Variants in FRY observed in about 807,000 individuals in gnomAD.
FRY encodes FRY microtubule binding protein.
In FRY, 128 loss-of-function variants were observed where a neutral mutation model predicts 348.4. The ratio of observed to expected loss-of-function variants is 0.37; its 90% CI spans 0.32 to 0.43. FRY has a LOEUF of 0.43. Ranked by LOEUF, FRY falls within the 20% of genes least tolerant of loss-of-function variation. The pLI, the probability that FRY is intolerant of heterozygous loss-of-function variation, is 1.00. For synonymous variants in FRY, 1,370 were observed against 1,374.7 expected, an observed-to-expected ratio of 1.00 and a Z score of 0.08; for missense variants, 2,736 against 3,695.2, an observed-to-expected ratio of 0.74 and a Z score of 6.73.
Position 32,175,443 on chromosome 13 carries a change from A to G in FRY, c.2335-103A>G, listed in dbSNP as rs9590807. ...ACTTTTCTGTGAGAAAACCCTTATC[A>G]CTATCTCACAAGCTGTTCTGCTTCA... On this transcript the variant is annotated intron_variant, in intron 19 of 60. Transcript: ENST00000542859. The G allele has an allele frequency of 2.4e-3, 1,887 of 785,766 alleles. 22 individuals are homozygous for G. In the African/African-American group the frequency reaches 0.027, roughly 11 times the overall value. The allele number at this position is 785,766 out of a possible 1,614,324, so 48.7% of individuals were successfully genotyped here.
In FRY at chr13:32,239,517, G is replaced by C. The variant is rs1457591077; in HGVS notation, c.6516+168G>C. ...AGGGGTGGCTGATGCAAATTGTCTT[G>C]CTTGCTTTCATTCTTGAGAATGCAG... On this transcript the variant is annotated intron_variant, in intron 45 of 60. Transcript: ENST00000542859. The surrounding 1 kb of genome is among the most constrained non-coding windows in gnomAD (Gnocchi z 4.3). Among the ~76,000 whole-genome samples the C allele has an allele frequency of 1.3e-5, 2 of 152,202 alleles. No homozygotes were observed. The highest frequency in any genetic ancestry group is 4.8e-5 in the African/African-American group (2 of 41,446).
At chr13:32,113,189 G>A (rs1044815922) in intron 3 of FRY, among the ~76,000 whole-genome samples, 23 of 152,312 alleles carry the variant, frequency 1.5e-4, no homozygotes, top group African/African-American at 5.3e-4. Flanking sequence ...ATTACACAGT[G>A]AGTATCGTGG....
intron 41 of FRY, among the ~76,000 whole-genome samples, chr13:32,232,825 T>C (rs1247413237): frequency 6.6e-6 from 1 of 152,202 alleles, no homozygotes; most frequent in Admixed American, 6.5e-5. Context: ...TTTCCTTTTC[T>C]CAAAGGACAC....
At chr13:32,210,713 G>A (rs1884635559) in intron 33 of FRY, among the ~76,000 whole-genome samples, 153 bp from the exon 34 acceptor site, 1 of 152,170 alleles carries the variant, frequency 6.6e-6, no homozygotes, top group Admixed American at 6.5e-5. Flanking sequence ...TTTAATCCAA[G>A]TCCTTGGTCC....
At chr13:32,209,804 GTGCTCTTTGCTCCA>G in intron 33 of FRY, 73 bp downstream of exon 33, 1 of 1,426,724 alleles carries the variant, frequency 7.0e-7, no homozygotes, top group Non-Finnish European at 9.9e-7. Context: ...AAGTCAGAAT[GTGCTCTTTGCTCCA>G]GCTAAAATAG....
At position 32,249,622 on chromosome 13, in the gene FRY, A is replaced by G. The variant is rs1886975455; in HGVS notation, c.7105A>G (p.Thr2369Ala). 1.2e-6 allele frequency: 2 copies of G among 1,614,184 alleles called. No individual in the cohort carries two copies. The highest frequency in any genetic ancestry group is 1.3e-5 in the African/African-American group (1 of 75,050). ...AMAVTRSTSS[T>A]SSGSNSNVLV... is the part of the protein sequence containing the mutation. ...GGCCGTCACCCGGAGCACATCTTCC[A>G]CTTCCTCAGGCTCCAACTCCAACGT... Residue 2369 changes from threonine to alanine, a missense_variant, in exon 49 of 61, where the codon ACT becomes GCT. Physicochemically the swap from Thr to Ala is moderately conservative, Grantham distance 58 (BLOSUM62 0). Transcript: ENST00000542859.
intron 54 of FRY, among the ~76,000 whole-genome samples, chr13:32,265,852 C>G (rs187968921): frequency 9.2e-5 from 14 of 152,194 alleles, no homozygotes; most frequent in Non-Finnish European, 1.9e-4. Flanking sequence ...CAGAAAGCAA[C>G]GTAAAAAGCA....
intron 11 of FRY, among the ~76,000 whole-genome samples, chr13:32,145,502 C>T (rs1304751973): frequency 1.3e-5 from 2 of 150,730 alleles, no homozygotes; most frequent in Non-Finnish European, 2.9e-5. Context: ...TGATGAAACC[C>T]ACACTCCCCT....
At chr13:32,117,063 C>T (rs1039147041) in intron 3 of FRY, among the ~76,000 whole-genome samples, 1 of 152,134 alleles carries the variant, frequency 6.6e-6, no homozygotes, top group East Asian at 1.9e-4. Context: ...CCATGAATAA[C>T]CTGTATGCAA....
intron 49 of FRY, among the ~76,000 whole-genome samples, chr13:32,251,000 T>C (rs1202478212): frequency 6.6e-6 from 1 of 152,232 alleles, no homozygotes; most frequent in African/African-American, 2.4e-5. Context: ...ATATTGAGTG[T>C]CTGTCCCCTC....
chr13:32,263,449 A>C (rs1280126759), intron 53 of FRY, among the ~76,000 whole-genome samples: 1 of 152,200 alleles, frequency 6.6e-6, no homozygotes, highest in Non-Finnish European at 1.5e-5. Flanking sequence ...TTAAATAGTA[A>C]TTATTTCTAA....
intron 40 of FRY, among the ~76,000 whole-genome samples, 186 bp from the exon 41 acceptor site, chr13:32,230,993 T>C (rs1267971853): frequency 1.3e-5 from 2 of 152,214 alleles, no homozygotes; most frequent in African/African-American, 4.8e-5. Context: ...TTGCCCACTT[T>C]TTAATGGGTT....
chr13:32,053,521 G>A (rs114892150), intron 1 of FRY, among the ~76,000 whole-genome samples: 323 of 152,258 alleles, frequency 2.1e-3, no homozygotes, highest in African/African-American at 7.2e-3. Flanking sequence ...GAACTGTCTC[G>A]GTCCCAGACT....
intron 3 of FRY, among the ~76,000 whole-genome samples, chr13:32,110,832 G>C (rs1397740073): frequency 2.0e-5 from 3 of 152,212 alleles, no homozygotes; most frequent in Non-Finnish European, 4.4e-5. Flanking sequence ...GTAAGTGGAA[G>C]TTATTTTCTC....
At chr13:32,134,696 A>C (rs1879588485) in intron 8 of FRY, among the ~76,000 whole-genome samples, 1 of 152,214 alleles carries the variant, frequency 6.6e-6, no homozygotes, top group Non-Finnish European at 1.5e-5. Flanking sequence ...AGAGTGAAAA[A>C]ACCAGCCTTG....
At position 32,102,021 on chromosome 13, in the gene FRY, G is replaced by T. The variant is rs769980154; in HGVS notation, c.324+5G>T. ...GAAGACCCCCAATTTGATCAGGTATGTGATATATATGTTATATACTAGTTT... is the reference window on the plus strand; with the variant it reads ...GAAGACCCCCAATTTGATCAGGTATTTGATATATATGTTATATACTAGTTT... On this transcript the variant is annotated splice_donor_5th_base_variant and intron_variant, in intron 3 of 60. Coordinates refer to ENST00000542859, the MANE Select transcript of FRY (RefSeq NM_023037.3). 2 of 1,486,952 alleles carry T rather than the reference G, an allele frequency of 1.3e-6. No individual in the cohort carries two copies. The highest frequency in any genetic ancestry group is 2.3e-5 in the South Asian group (2 of 88,436). The allele number at this position is 1,486,952 out of a possible 1,614,324, so 92.1% of individuals were successfully genotyped here.
rs377242466 is a variant in FRY, at chr13:32,175,618, G to A, written c.2407G>A (p.Ala803Thr). The stretch of plus-strand genomic sequence containing the variant: ...CATTCTAGAAAGTTTTATTCATGTA[G>A]CAGTTTCGGATTCAGTAAGTACACA... ...SSILESFIHV[A>T]VSDSATLPLT... Residue 803 changes from alanine to threonine, a missense_variant, in exon 20 of 61, where the codon GCA (alanine) becomes ACA (threonine). Coordinates refer to ENST00000542859, the MANE Select transcript of FRY (RefSeq NM_023037.3). 1.3e-6 allele frequency: 2 copies of A among 1,593,612 alleles called. No homozygotes were observed. The highest frequency in any genetic ancestry group is 2.7e-5 in the African/African-American group (2 of 74,522).
At chr13:32,128,873 A>T (rs1879184006) in intron 7 of FRY, among the ~76,000 whole-genome samples, 2 of 152,352 alleles carry the variant, frequency 1.3e-5, no homozygotes, top group East Asian at 1.9e-4. Context: ...GGAATTACGG[A>T]TTCAGTAGGT....
chr13:32,151,308 AT>A (rs974461134), intron 14 of FRY, among the ~76,000 whole-genome samples: 12 of 152,172 alleles, frequency 7.9e-5, no homozygotes, highest in African/African-American at 2.9e-4. Context: ...TTTAAAAAAA[AT>A]ATATACCAAT....
Sources: allele counts gnomAD v4.1 joint callset (sites outside exome capture counted in the v4.1 genomes callset), GRCh38; gene constraint gnomAD v4.1.1; non-coding constraint Gnocchi (gnomAD v3.1); transcripts MANE v1.5; gene names NCBI Gene and HGNC (gene_info 2026-07-23, HGNC 2026-07-21).